The following ADGRA3 variants were observed in gnomAD, a reference collection of about 807,000 sequenced individuals.
ADGRA3 encodes G-protein coupled receptor 125.
A neutral mutation model predicts 119.8 loss-of-function variants in ADGRA3; 56 were observed. That is an observed-to-expected ratio of 0.47 (90% CI 0.38 to 0.58). The LOEUF (loss-of-function observed/expected upper bound fraction) is 0.58. Among genes scored for constraint, ADGRA3 ranks in the 20% least tolerant of loss-of-function variants. The pLI, the probability that ADGRA3 is intolerant of heterozygous loss-of-function variation, is 0.00. For missense variants in ADGRA3, 1,516 were observed against 1,649.0 expected (o/e 0.92, Z 1.40); for synonymous variants, 607 against 623.8 (o/e 0.97, Z 0.40).
chr4:22,420,312 T>A (rs1290216987), intron 12 of ADGRA3: 1 of 153,340 alleles, frequency 6.5e-6, no homozygotes, highest in Non-Finnish European at 1.5e-5. Context: ...CAAATATATC[T>A]AAAGCACCAA....
intron 3 of ADGRA3, 92 bp from the exon 4 acceptor site, chr4:22,455,029 C>A: frequency 1.2e-6 from 1 of 818,490 alleles, no homozygotes; most frequent in Non-Finnish European, 2.1e-6. Context: ...ACCCAGGTAT[C>A]GCACAAGACC....
At chr4:22,515,025 A>G (rs2109195722) in intron 1 of ADGRA3, among the ~76,000 whole-genome samples, 1 of 152,340 alleles carries the variant, frequency 6.6e-6, no homozygotes, top group Non-Finnish European at 1.5e-5. Context: ...CTGTAATAAA[A>G]CTAAGATAGC....
intron 1 of ADGRA3, among the ~76,000 whole-genome samples, chr4:22,475,447 A>G (rs562008270): frequency 3.9e-5 from 6 of 152,302 alleles, no homozygotes; most frequent in Admixed American, 3.9e-4. Flanking sequence ...GAATGACACA[A>G]TGAGGCCGGG....
At chr4:22,500,911 C>CAAA (rs1179865944) in intron 1 of ADGRA3, among the ~76,000 whole-genome samples, 1 of 152,134 alleles carries the variant, frequency 6.6e-6, no homozygotes, top group African/African-American at 2.4e-5. Context: ...CCTGAATAAA[C>CAAA]AAAGAGGCAG....
intron 1 of ADGRA3, among the ~76,000 whole-genome samples, chr4:22,501,095 G>C (rs1719034380): frequency 1.3e-5 from 2 of 152,138 alleles, no homozygotes; most frequent in African/African-American, 4.8e-5. Context: ...AGCTGTCCTG[G>C]TTCTCCAGGC....
At position 22,388,371 on chromosome 4, in the gene ADGRA3, G is replaced by C; in HGVS notation, c.3300C>G (p.Asn1100Lys). The change falls in exon 19 of 19, where the codon AAC becomes AAG. Residue 1100 changes from asparagine (N) to lysine (K), a missense_variant. Asn to Lys is a moderately conservative substitution (Grantham distance 94, BLOSUM62 0). This residue lies in a region of ADGRA3 where 1,088 missense variants were observed against 1,107.1 expected (regional missense o/e 0.98). Transcript: ENST00000334304. The part of the protein sequence containing the change: ...PNSSAESSCT[N>K]KSASSFKNSS... ...AATTTTTGAAGCTTGAAGCACTTTT[G>C]TTTGTGCATGAAGACTCCGCACTGC... The C allele has an allele frequency of 6.2e-7, 1 of 1,614,014 alleles. No homozygotes were observed. Among genetic ancestry groups the C allele is most frequent in the Non-Finnish European group, 8.5e-7 (1 of 1,179,994 alleles).
chr4:22,492,820 T>C (rs138685422), intron 1 of ADGRA3, among the ~76,000 whole-genome samples: 1 of 152,358 alleles, frequency 6.6e-6, no homozygotes, highest in Non-Finnish European at 1.5e-5. Flanking sequence ...CATATCCCCA[T>C]CATCTAGAGA....
At chr4:22,445,787 T>C (rs1211779725) in intron 5 of ADGRA3, among the ~76,000 whole-genome samples, 1 of 152,192 alleles carries the variant, frequency 6.6e-6, no homozygotes, top group African/African-American at 2.4e-5. Flanking sequence ...TCAGCTTTGA[T>C]ATAAAAGATA....
intron 1 of ADGRA3, among the ~76,000 whole-genome samples, chr4:22,498,255 A>AT (rs1024455631): frequency 4.0e-5 from 6 of 151,332 alleles, no homozygotes; most frequent in Admixed American, 4.0e-4. Context: ...TCACAAACAA[A>AT]AAATAAATAA....
rs546467002 is a variant in ADGRA3 at position 22,475,683 on chromosome 4, T to C, written c.258-1840A>G. ...TGGAGCTTGCAGTGAGCCGAGATCG[T>C]GCCACTGCACTCCAGCCTGGGCAAC... is the stretch of plus-strand genomic sequence containing the variant. On this transcript the variant is annotated intron_variant, in intron 1 of 18. Coordinates refer to ENST00000334304, the MANE Select transcript of ADGRA3 (RefSeq NM_145290.4). Among the ~76,000 whole-genome samples, 319 of 151,014 alleles carry C rather than the reference T, an allele frequency of 2.1e-3. 1 individual carries two copies. The highest frequency in any genetic ancestry group is 3.1e-3 in the Non-Finnish European group (212 of 67,856).
chr4:22,509,092 A>G (rs1719344796), intron 1 of ADGRA3, among the ~76,000 whole-genome samples: 1 of 152,194 alleles, frequency 6.6e-6, no homozygotes. Context: ...ACCCAGAGCT[A>G]GTGAACAGAA....
In ADGRA3 at chr4:22,442,704, G is replaced by A. The variant is rs2061699; in HGVS notation, c.866C>T (p.Ser289Leu). ...QDGRIVETDE[S>L]QGIFVEKNMI... ...GTTCTTTTCAACAAAAATACCTTGC[G>A]ATTCATCGGTTTCAACTATTCTCCC... Residue 289 changes from serine (S) to leucine (L), a missense_variant, in exon 7 of 19, where the codon TCG becomes TTG. Physicochemically the swap from Ser to Leu is moderately radical, Grantham distance 145 (BLOSUM62 -2). Coordinates refer to ENST00000334304, the MANE Select transcript of ADGRA3 (RefSeq NM_145290.4). The A allele has an allele frequency of 3.5e-3, 5,631 of 1,612,884 alleles. 14 individuals carry two copies. The highest frequency in any genetic ancestry group is 4.5e-3 in the Non-Finnish European group (5,307 of 1,179,610).
At chr4:22,508,544 G>A (rs1415994664) in intron 1 of ADGRA3, among the ~76,000 whole-genome samples, 2 of 152,184 alleles carry the variant, frequency 1.3e-5, no homozygotes, top group Admixed American at 1.3e-4. Context: ...GCAGATGTAT[G>A]TAAGATTTTG....
Position 22,498,561 on chromosome 4 carries a change from T to G in ADGRA3, c.257+16967A>C, listed in dbSNP as rs140401710. Among the ~76,000 whole-genome samples the G allele has an allele frequency of 2.7e-3, 408 of 151,684 alleles. 1 individual carries two copies. The highest frequency in any genetic ancestry group is 4.8e-3 in the Non-Finnish European group (325 of 67,972). On this transcript the variant is annotated intron_variant, in intron 1 of 18. Coordinates refer to ENST00000334304, the MANE Select transcript of ADGRA3 (RefSeq NM_145290.4). Reference sequence around the variant, plus strand: ...TGAACCAGGAAGGCGGAGGTTGTAGTAAGCCGAGATTGTGCCACTGCAATC... The same window carrying G: ...TGAACCAGGAAGGCGGAGGTTGTAGGAAGCCGAGATTGTGCCACTGCAATC...
Position 22,389,202 on chromosome 4 carries a change from G to A in ADGRA3, c.2628-19C>T. 6.6e-7 allele frequency: 1 copy of A among 1,517,336 alleles called. No homozygotes were observed. Among genetic ancestry groups the A allele is most frequent in the Non-Finnish European group, 9.1e-7 (1 of 1,092,946 alleles). The allele number at this position is 1,517,336 out of a possible 1,614,324, so 94.0% of individuals were successfully genotyped here. ...GTAAAATCTAGAAGGAGGAATCACAGGAAAAACCACTCATCATTCCATTTC... is the reference window on the plus strand; with the variant it reads ...GTAAAATCTAGAAGGAGGAATCACAAGAAAAACCACTCATCATTCCATTTC... On this transcript the variant is annotated intron_variant, in intron 17 of 18. Transcript: ENST00000334304.
At chr4:22,472,387 G>C (rs1717887047) in intron 2 of ADGRA3, among the ~76,000 whole-genome samples, 1 of 152,176 alleles carries the variant, frequency 6.6e-6, no homozygotes, top group East Asian at 1.9e-4. Context: ...GAATGTGTAT[G>C]AAGGACCGCC....
intron 3 of ADGRA3, among the ~76,000 whole-genome samples, chr4:22,459,706 C>A (rs1717374063): frequency 6.6e-6 from 1 of 151,906 alleles, no homozygotes. Context: ...ATAAGAACCC[C>A]AAAAAACAAG....
chr4:22,454,550 A>T (rs190969811), intron 4 of ADGRA3, among the ~76,000 whole-genome samples: 13 of 152,278 alleles, frequency 8.5e-5, no homozygotes, highest in Admixed American at 7.2e-4. Flanking sequence ...ACTATTTCCT[A>T]GAAATTTTCC....
intron 4 of ADGRA3, among the ~76,000 whole-genome samples, chr4:22,453,418 C>T (rs906214258): frequency 7.9e-5 from 12 of 152,106 alleles, no homozygotes; most frequent in African/African-American, 2.9e-4. Flanking sequence ...AACAAAAGGA[C>T]ACACTGAAAA....
Sources: gnomAD v4.1 joint callset for allele counts (sites outside exome capture counted in the v4.1 genomes callset) on GRCh38, gnomAD v4.1.1 for gene constraint, gnomAD v4.1.1 regional missense constraint, MANE v1.5 for transcripts, NCBI Gene and HGNC (gene_info 2026-07-23, HGNC 2026-07-21) for gene names.